The following USP53 variants were observed in gnomAD, a reference collection of about 807,000 sequenced individuals.
USP53 encodes the protein ubiquitin specific peptidase 53.
A neutral mutation model predicts 94.9 loss-of-function variants in USP53; 71 were observed. The ratio of observed to expected loss-of-function variants is 0.75; its 90% CI spans 0.62 to 0.91. The LOEUF (loss-of-function observed/expected upper bound fraction) is 0.91. Among genes scored for constraint, USP53 ranks in the 40% least tolerant of loss-of-function variants. The probability of loss-of-function intolerance (pLI) is 0.00; values close to 1 mark genes in which losing one functional copy is unlikely to be tolerated. For missense variants in USP53, 1,173 were observed against 1,281.0 expected (o/e 0.92, Z 1.29); for synonymous variants, 375 against 422.7 (o/e 0.89, Z 1.39).
At chr4:119,279,613 C>G (rs1338857621) in intron 17 of USP53, among the ~76,000 whole-genome samples, 1 of 151,746 alleles carries the variant, frequency 6.6e-6, no homozygotes, top group Non-Finnish European at 1.5e-5. Flanking sequence ...CCTCCTTGAG[C>G]TGTGGTGGGC....
chr4:119,233,680 A>G (rs1214352006), intron 3 of USP53, among the ~76,000 whole-genome samples: 3 of 152,040 alleles, frequency 2.0e-5, no homozygotes, highest in Non-Finnish European at 4.4e-5. Context: ...CATATCTTCA[A>G]TTGGTGAATA....
At chr4:119,236,257 T>G (rs1436803127) in intron 4 of USP53, among the ~76,000 whole-genome samples, 1 of 152,218 alleles carries the variant, frequency 6.6e-6, no homozygotes, top group East Asian at 1.9e-4. Flanking sequence ...AGACAATGTA[T>G]ATATCTTATT....
intron 7 of USP53, among the ~76,000 whole-genome samples, chr4:119,252,269 C>T (rs1392947659): frequency 6.6e-6 from 1 of 152,114 alleles, no homozygotes; most frequent in East Asian, 1.9e-4. Flanking sequence ...GGGAGGATTC[C>T]CTCTTTTTCT....
At chr4:119,255,568 G>A (rs1326676133) in intron 7 of USP53, among the ~76,000 whole-genome samples, 2 of 152,220 alleles carry the variant, frequency 1.3e-5, no homozygotes, top group African/African-American at 4.8e-5. Context: ...GCACGGGAGG[G>A]GAACTCCTGG....
chr4:119,257,473 G>A (rs1047559551), intron 9 of USP53, among the ~76,000 whole-genome samples: 2 of 152,102 alleles, frequency 1.3e-5, no homozygotes, highest in Non-Finnish European at 1.5e-5. Flanking sequence ...TTGGCATGTG[G>A]TAAACATTGA....
chr4:119,293,435 GTATGTGTA>G lies in USP53; in HGVS notation c.*235_*242del. The G allele has an allele frequency of 4.0e-6, 2 of 503,266 alleles. No homozygotes were observed. The highest frequency in any genetic ancestry group is 7.0e-6 in the Non-Finnish European group (2 of 286,354). 31.2% of individuals were successfully genotyped at this position (503,266 alleles called of 1,614,324 possible). A position where few individuals can be genotyped will look rare whatever the true frequency, so the allele number is the denominator to read the frequency against. On this transcript the variant is annotated 3_prime_UTR_variant, in exon 19 of 19. Coordinates refer to ENST00000692078, the MANE Select transcript of USP53 (RefSeq NM_001371395.1). ...TAAAGTTGTTAATCACTATACATAT[GTATGTGTA>G]TATGTGTATACACATATATAATTTT...
intron 2 of USP53, among the ~76,000 whole-genome samples, chr4:119,215,691 A>C (rs1358531752): frequency 6.6e-6 from 1 of 151,984 alleles, no homozygotes; most frequent in Non-Finnish European, 1.5e-5. Flanking sequence ...AGGGGGCTTC[A>C]TTAGGCCACC....
intron 5 of USP53, among the ~76,000 whole-genome samples, chr4:119,241,546 CTGTTT>C (rs1747540707): frequency 1.3e-5 from 2 of 152,162 alleles, no homozygotes. Flanking sequence ...TTTTGCTTCT[CTGTTT>C]TAGCTTGCAT....
rs1416835500 is a variant in USP53 at position 119,217,637 on chromosome 4, A to T, written c.-701A>T. 1 of 152,226 alleles carries T rather than the reference A, an allele frequency of 6.6e-6. No homozygotes were observed. 9.4% of individuals were successfully genotyped at this position (152,226 alleles called of 1,614,324 possible). ...TCAATTCTATAATATATTTAGAAGG[A>T]GAAAAGTGCCAAGGAGGAATGAAAA... On this transcript the variant is annotated 5_prime_UTR_variant, in exon 3 of 19. Coordinates refer to ENST00000692078, the MANE Select transcript of USP53 (RefSeq NM_001371395.1).
At chr4:119,227,753 A>G (rs1214088012) in intron 3 of USP53, among the ~76,000 whole-genome samples, 1 of 152,254 alleles carries the variant, frequency 6.6e-6, no homozygotes, top group Non-Finnish European at 1.5e-5. Flanking sequence ...GGTATTTACA[A>G]GAGAAATGTA....
intron 17 of USP53, among the ~76,000 whole-genome samples, chr4:119,274,423 G>A (rs1326803434): frequency 1.8e-4 from 28 of 152,014 alleles, no homozygotes; most frequent in Admixed American, 7.2e-4. Context: ...CAAAGGACAC[G>A]AACTCATCAT....
In USP53 at chr4:119,273,663, G is replaced by T. The variant is rs1229878353; in HGVS notation, c.2206G>T (p.Glu736Ter). The T allele has an allele frequency of 6.2e-7, 1 of 1,612,766 alleles. No individual in the cohort carries two copies. The highest frequency in any genetic ancestry group is 8.5e-7 in the Non-Finnish European group (1 of 1,179,374). Residue 736 changes from glutamate to a stop codon, truncating the protein, a stop_gained, in exon 17 of 19, where the codon GAA (glutamate) becomes TAA (stop). Coordinates refer to ENST00000692078, the MANE Select transcript of USP53 (RefSeq NM_001371395.1). LOFTEE classifies it high-confidence loss of function. ...GATTACGACAAGCAACCTAAATAAA[G>T]AACGTGGGGACTGTACCTCCCTTCA... ...DQITTSNLNKERGDCTSLQSQ... is the reference protein window; with the variant it reads ...DQITTSNLNK
chr4:119,230,716 T>C (rs1343790200), intron 3 of USP53, among the ~76,000 whole-genome samples: 3 of 152,058 alleles, frequency 2.0e-5, no homozygotes, highest in African/African-American at 7.2e-5. Flanking sequence ...CAGTATTACT[T>C]ACAAATCGAG....
At chr4:119,245,257 T>C (rs1253502083) in intron 5 of USP53, 80 bp from the exon 6 acceptor site, 2 of 1,378,644 alleles carry the variant, frequency 1.5e-6, no homozygotes, top group Non-Finnish European at 2.0e-6. Flanking sequence ...TTGCAATTTG[T>C]AAAATATCTA....
In USP53 at chr4:119,260,569, A is replaced by G. The variant is rs35372126; in HGVS notation, c.738A>G (p.Thr246=). The G allele has an allele frequency of 0.25, 407,199 of 1,613,144 alleles. 53,546 individuals carry two copies. Among genetic ancestry groups the G allele is most frequent in the Admixed American group, 0.33 (19,946 of 59,952 alleles). The change falls in exon 11 of 19, where the codon ACA becomes ACG. Residue 246 remains threonine, a synonymous_variant. Transcript: ENST00000692078. The part of the protein sequence containing the change: ...RVLMNCPEIV[T]IGLVWDSEHS... The stretch of plus-strand genomic sequence containing the variant: ...TAATGAATTGCCCAGAGATTGTTAC[A>G]ATTGGTTTAGTCTGGGACTCCGAGC...
chr4:119,251,732 C>T (rs1749039256), intron 7 of USP53, among the ~76,000 whole-genome samples: 1 of 152,210 alleles, frequency 6.6e-6, no homozygotes, highest in Non-Finnish European at 1.5e-5. Context: ...ATTGCTTTCT[C>T]TTGCCTGATT....
rs1398900241 is a variant in USP53 at position 119,215,829 on chromosome 4, TA to T, written c.-789+1610del. On this transcript the variant is annotated intron_variant, in intron 2 of 18. Coordinates refer to ENST00000692078, the MANE Select transcript of USP53 (RefSeq NM_001371395.1). ...GTTCATCAGAATTTTTTCTGCAAAA[TA>T]AACCTTATTCCAATATCTTAGCTAT... Among the ~76,000 whole-genome samples, 15 of 152,206 alleles carry T rather than the reference TA, an allele frequency of 9.9e-5. 1 individual carries two copies. Among genetic ancestry groups the T allele is most frequent in the African/African-American group, 3.6e-4 (15 of 41,466 alleles).
In USP53 at chr4:119,271,809, T is replaced by C; in HGVS notation, c.1949T>C (p.Ile650Thr). ...TATGAAGATGAAATGAAGCAGGAAA[T>C]AGGAAGCAGAAGTTCCCTTGAATCT... Reference protein sequence around the residue: ...TIYEDEMKQEIGSRSSLESNG... With the variant: ...TIYEDEMKQETGSRSSLESNG... The change falls in exon 16 of 19, where the codon ATA becomes ACA. Residue 650 changes from isoleucine (I) to threonine (T), a missense_variant. Physicochemically the swap from Ile to Thr is moderately conservative, Grantham distance 89. Transcript: ENST00000692078. The C allele has an allele frequency of 1.2e-6, 2 of 1,612,506 alleles. No homozygotes were observed. Among genetic ancestry groups the C allele is most frequent in the Non-Finnish European group, 1.7e-6 (2 of 1,179,658 alleles).
chr4:119,245,355 A>G lies in USP53; in HGVS notation c.163A>G (p.Ile55Val), dbSNP rs537200720. 18 of 1,613,904 alleles carry G rather than the reference A, an allele frequency of 1.1e-5. No homozygotes were observed. The highest frequency in any genetic ancestry group is 7.7e-5 in the South Asian group (7 of 91,072). ...TTTTTAGGTTTTATGGCAATTGGAT[A>G]TATTCCGACGAAGCTTGCGGGTTTT... is the stretch of plus-strand genomic sequence containing the variant. ...SAVQVLWQLDIFRRSLRVLTG... is the reference protein window; with the variant it reads ...SAVQVLWQLDVFRRSLRVLTG... The change falls in exon 6 of 19, where the codon ATA becomes GTA. Residue 55 changes from isoleucine (I) to valine (V), a missense_variant. By Grantham distance (29) the Ile-to-Val change is conservative. Coordinates refer to ENST00000692078, the MANE Select transcript of USP53 (RefSeq NM_001371395.1).
Sources: gnomAD v4.1 joint callset for allele counts (sites outside exome capture counted in the v4.1 genomes callset) on GRCh38, gnomAD v4.1.1 for gene constraint, MANE v1.5 for transcripts, NCBI Gene and HGNC (gene_info 2026-07-23, HGNC 2026-07-21) for gene names.